CDK14: variants seen among roughly 807,000 people sequenced by gnomAD.
CDK14 encodes the protein cyclin-dependent kinase 14.
A neutral mutation model predicts 60.7 loss-of-function variants in CDK14; 34 were observed. The observed-to-expected ratio is 0.56, with a 90% CI of 0.43 to 0.75. The LOEUF (loss-of-function observed/expected upper bound fraction) is 0.75, where lower values mean the gene tolerates loss of function less well. Ranked by LOEUF, CDK14 falls within the 30% of genes least tolerant of loss-of-function variation. CDK14 has a pLI of 0.00. For synonymous variants in CDK14, 197 were observed against 203.7 expected, an observed-to-expected ratio of 0.97 and a Z score of 0.28; for missense variants, 482 against 564.1, an observed-to-expected ratio of 0.85 and a Z score of 1.47.
intron 9 of CDK14, among the ~76,000 whole-genome samples, chr7:90,967,889 A>G (rs1456393754): frequency 6.6e-6 from 1 of 152,224 alleles, no homozygotes; most frequent in African/African-American, 2.4e-5. Flanking sequence ...TTGAATGGAA[A>G]TGGGATTGGA....
chr7:91,061,407 G>A (rs575089421), intron 11 of CDK14, among the ~76,000 whole-genome samples: 2 of 152,180 alleles, frequency 1.3e-5, no homozygotes, highest in Non-Finnish European at 2.9e-5. Context: ...ATTCGTCAAA[G>A]TCATTCTCCA....
At chr7:90,979,807 T>C (rs1207151323) in intron 9 of CDK14, 1 of 152,186 alleles carries the variant, frequency 6.6e-6, no homozygotes, top group Non-Finnish European at 1.5e-5. Flanking sequence ...GAAATAAATG[T>C]ATTAGAGAAA....
At chr7:91,026,444 G>A (rs1796571441) in intron 10 of CDK14, among the ~76,000 whole-genome samples, 2 of 152,188 alleles carry the variant, frequency 1.3e-5, no homozygotes, top group Non-Finnish European at 2.9e-5. Context: ...TCACAAGACA[G>A]GATAGTCTTA....
intron 11 of CDK14, among the ~76,000 whole-genome samples, chr7:91,077,296 C>T (rs1334921993): frequency 6.6e-6 from 1 of 152,144 alleles, no homozygotes; most frequent in Non-Finnish European, 1.5e-5. Context: ...TACATATTAA[C>T]CATGGAATAC....
chr7:90,647,590 T>C (rs996123236), intron 2 of CDK14, among the ~76,000 whole-genome samples: 24 of 152,186 alleles, frequency 1.6e-4, no homozygotes, highest in African/African-American at 5.1e-4. Flanking sequence ...TAAAACTTCA[T>C]GGGCAACTAA....
At chr7:91,128,954 G>T (rs1012703353) in intron 14 of CDK14, among the ~76,000 whole-genome samples, 1 of 152,028 alleles carries the variant, frequency 6.6e-6, no homozygotes, top group Non-Finnish European at 1.5e-5. Flanking sequence ...TTTGTTGAAC[G>T]TTTCCACAAC....
chr7:90,955,776 CCTT>C lies in CDK14; in HGVS notation c.909_911del (p.Leu304del), dbSNP rs1359418116. 3.7e-6 allele frequency: 6 copies of C among 1,613,352 alleles called. No individual in the cohort carries two copies. The highest frequency in any genetic ancestry group is 5.1e-6 in the Non-Finnish European group (6 of 1,179,470). ...CCTTGTGGTACAGACCTCCAGATGT[CCTT>C]CTAGGCTCAACAGAATATTCCACCT... On this transcript the variant is annotated inframe_deletion, in exon 9 of 15. Coordinates refer to ENST00000380050, the MANE Select transcript of CDK14 (RefSeq NM_001287135.2).
chr7:90,623,034 T>C (rs577012423), intron 2 of CDK14, among the ~76,000 whole-genome samples: 1 of 151,080 alleles, frequency 6.6e-6, no homozygotes, highest in South Asian at 2.1e-4. Context: ...CCATTATTAA[T>C]GTAATAGCAT....
intron 10 of CDK14, among the ~76,000 whole-genome samples, chr7:91,030,840 G>T (rs890087035): frequency 2.6e-5 from 4 of 152,192 alleles, no homozygotes; most frequent in African/African-American, 9.7e-5. Flanking sequence ...ATCTCCCTGG[G>T]CCTAGAAGCC....
intron 10 of CDK14, among the ~76,000 whole-genome samples, chr7:90,993,731 T>C (rs1795600875): frequency 1.3e-5 from 2 of 152,206 alleles, no homozygotes; most frequent in Admixed American, 1.3e-4. Flanking sequence ...TGATAGGAAA[T>C]AGTTGCTGAC....
intron 9 of CDK14, among the ~76,000 whole-genome samples, chr7:90,959,987 A>T (rs977879522): frequency 6.6e-6 from 1 of 152,278 alleles, no homozygotes; most frequent in South Asian, 2.1e-4. Context: ...AGGCATAGGA[A>T]ATCATTGCTA....
At chr7:90,961,554 A>G (rs948098796) in intron 9 of CDK14, among the ~76,000 whole-genome samples, 4 of 152,226 alleles carry the variant, frequency 2.6e-5, no homozygotes, top group Admixed American at 6.5e-5. Context: ...TGAATCATCT[A>G]TCTGTCAGCA....
chr7:90,774,139 A>G (rs1190777946), intron 4 of CDK14, among the ~76,000 whole-genome samples: 2 of 151,978 alleles, frequency 1.3e-5, no homozygotes, highest in African/African-American at 4.8e-5. Flanking sequence ...CCTGACCTCA[A>G]GTGATCTGCC....
At chr7:91,117,073 C>G in intron 13 of CDK14, among the ~76,000 whole-genome samples, 2 of 146,560 alleles carry the variant, frequency 1.4e-5, no homozygotes, top group Non-Finnish European at 3.0e-5. Flanking sequence ...TCAACATTTC[C>G]ATTTGACCAT....
At chr7:90,627,449 G>A (rs772896664) in intron 2 of CDK14, among the ~76,000 whole-genome samples, 30 of 152,146 alleles carry the variant, frequency 2.0e-4, no homozygotes, top group Non-Finnish European at 4.3e-4. Context: ...CTGGGCTCAA[G>A]CAATCCTCGT....
At chr7:90,789,015 A>G (rs995663261) in intron 4 of CDK14, among the ~76,000 whole-genome samples, 1 of 152,164 alleles carries the variant, frequency 6.6e-6, no homozygotes, top group Non-Finnish European at 1.5e-5. Context: ...CTTCTCCAAT[A>G]TTCATCAGAA....
chr7:91,104,679 T>C (rs1400500289), intron 12 of CDK14, among the ~76,000 whole-genome samples: 1 of 152,250 alleles, frequency 6.6e-6, no homozygotes, highest in African/African-American at 2.4e-5. Context: ...GAATGTTGTA[T>C]AAATGGAATT....
intron 8 of CDK14, among the ~76,000 whole-genome samples, chr7:90,947,881 ACTT>A (rs1383167785): frequency 6.6e-6 from 1 of 152,150 alleles, no homozygotes; most frequent in Non-Finnish European, 1.5e-5. Context: ...TTATAGATTG[ACTT>A]CTTTCCTATC....
intron 2 of CDK14, among the ~76,000 whole-genome samples, chr7:90,605,846 G>C (rs1188584077): frequency 6.6e-6 from 1 of 152,038 alleles, no homozygotes; most frequent in Non-Finnish European, 1.5e-5. Flanking sequence ...ATCATCATTA[G>C]GCATTTCGAA....
Sources: gnomAD v4.1 joint callset for allele counts (sites outside exome capture counted in the v4.1 genomes callset) on GRCh38, gnomAD v4.1.1 for gene constraint, MANE v1.5 for transcripts, NCBI Gene and HGNC (gene_info 2026-07-23, HGNC 2026-07-21) for gene names.